MAGI2: variants seen among roughly 807,000 people sequenced by gnomAD.
The protein encoded by MAGI2 is membrane-associated guanylate kinase, WW and PDZ domain-containing protein 2.
MAGI2 carries 35 observed loss-of-function variants against 133.3 expected under a neutral mutation model. That is an observed-to-expected ratio of 0.26 (90% CI 0.20 to 0.35). The LOEUF (loss-of-function observed/expected upper bound fraction) is 0.35. MAGI2 is among the 10% of genes least tolerant of loss of function. The pLI, the probability that MAGI2 is intolerant of heterozygous loss-of-function variation, is 1.00. For synonymous variants in MAGI2, 729 were observed against 710.6 expected (o/e 1.03, Z -0.41); for missense variants, 1,636 against 1,863.4 (o/e 0.88, Z 2.25).
intron 1 of MAGI2, among the ~76,000 whole-genome samples, chr7:79,255,881 G>A (rs1833645789): frequency 6.6e-6 from 1 of 152,162 alleles, no homozygotes; most frequent in South Asian, 2.1e-4. Context: ...CAAAATTAAG[G>A]ATTTGGATGT....
chr7:78,267,850 T>C (rs894563206), intron 9 of MAGI2, among the ~76,000 whole-genome samples: 6 of 152,174 alleles, frequency 3.9e-5, no homozygotes, highest in African/African-American at 1.4e-4. Context: ...CAATGGAAGA[T>C]TATTTTATTC....
At chr7:79,395,134 C>A (rs1486902540) in intron 1 of MAGI2, among the ~76,000 whole-genome samples, 1 of 151,378 alleles carries the variant, frequency 6.6e-6, no homozygotes, top group African/African-American at 2.4e-5. Context: ...AAAAATAAGC[C>A]CAAAGTTTAA....
intron 1 of MAGI2, among the ~76,000 whole-genome samples, chr7:79,315,838 G>A (rs976071448): frequency 6.6e-6 from 1 of 152,082 alleles, no homozygotes; most frequent in Non-Finnish European, 1.5e-5. Context: ...AATTTGACAG[G>A]GAACTGTGAT....
At chr7:79,332,586 G>A (rs1177463437) in intron 1 of MAGI2, among the ~76,000 whole-genome samples, 2 of 152,192 alleles carry the variant, frequency 1.3e-5, no homozygotes, top group East Asian at 3.9e-4. Flanking sequence ...TAATAGGTAG[G>A]GAGTACATAG....
At chr7:79,171,743 AATAT>A (rs34570751) in intron 1 of MAGI2, among the ~76,000 whole-genome samples, 712 of 29,544 alleles carry the variant, frequency 0.024, 9 homozygotes, top group African/African-American at 0.042. Flanking sequence ...AATAGCCAAA[AATAT>A]ATATATATAT....
intron 1 of MAGI2, among the ~76,000 whole-genome samples, chr7:79,015,382 G>T (rs1188500103): frequency 6.6e-6 from 1 of 152,038 alleles, no homozygotes; most frequent in African/African-American, 2.4e-5. Context: ...ACTCTCCAAT[G>T]ATCTGGTACA....
intron 2 of MAGI2, among the ~76,000 whole-genome samples, chr7:78,696,763 G>A (rs1585116310): frequency 6.6e-6 from 1 of 152,128 alleles, no homozygotes; most frequent in East Asian, 1.9e-4. Context: ...CACTTTAACA[G>A]GCAAACCACC....
chr7:79,347,610 G>A (rs769976875), intron 1 of MAGI2, among the ~76,000 whole-genome samples: 26 of 151,852 alleles, frequency 1.7e-4, no homozygotes, highest in Non-Finnish European at 1.5e-4. Context: ...CTTGAGCTCC[G>A]TTCCTGCACT....
At chr7:78,778,027 TTGAGC>T (rs1826119852) in intron 2 of MAGI2, among the ~76,000 whole-genome samples, 1 of 152,238 alleles carries the variant, frequency 6.6e-6, no homozygotes, top group African/African-American at 2.4e-5. Context: ...AATTCCTTTC[TTGAGC>T]TGCTCTTTAT....
At chr7:79,167,157 T>C (rs556237173) in intron 1 of MAGI2, among the ~76,000 whole-genome samples, 115 of 2,004 alleles carry the variant, frequency 0.057, no homozygotes, top group African/African-American at 0.28. Context: ...TCTTTGTTTA[T>C]ATAATTTTGT....
chr7:79,411,549 A>G (rs927774350), intron 1 of MAGI2: 1 of 152,214 alleles, frequency 6.6e-6, no homozygotes, highest in African/African-American at 2.4e-5. Context: ...TGGAGCTTTC[A>G]CAAAGCTACA....
intron 1 of MAGI2, among the ~76,000 whole-genome samples, chr7:79,250,036 C>A (rs533763049): frequency 1.3e-5 from 2 of 152,060 alleles, no homozygotes; most frequent in South Asian, 2.1e-4. Flanking sequence ...AGGACAAAAA[C>A]CATATGATCA....
At chr7:78,206,321 T>C (rs952035633) in intron 10 of MAGI2, among the ~76,000 whole-genome samples, 3 of 149,332 alleles carry the variant, frequency 2.0e-5, no homozygotes, top group Non-Finnish European at 3.0e-5. Flanking sequence ...AGATGGAGTC[T>C]TGCTCTGTTG....
chr7:78,536,746 T>C (rs1584539200), intron 3 of MAGI2, among the ~76,000 whole-genome samples: 1 of 131,612 alleles, frequency 7.6e-6, no homozygotes, highest in Non-Finnish European at 1.6e-5. Context: ...GTTTTTTTTT[T>C]GTTTTTGTTG....
At chr7:78,563,651 T>C (rs41505047) in intron 3 of MAGI2, among the ~76,000 whole-genome samples, 1,650 of 152,348 alleles carry the variant, frequency 0.011, 26 homozygotes, top group Admixed American at 0.031. Flanking sequence ...TCCTAAGAGC[T>C]ATGATAAATT....
chr7:79,444,114 C>T (rs1055254400), intron 1 of MAGI2, among the ~76,000 whole-genome samples: 15 of 152,138 alleles, frequency 9.9e-5, no homozygotes, highest in African/African-American at 2.9e-4. Context: ...AATTCAACAA[C>T]GCTTCATGCT....
intron 2 of MAGI2, among the ~76,000 whole-genome samples, chr7:78,794,678 T>C (rs1787453127): frequency 1.3e-5 from 2 of 152,112 alleles, no homozygotes; most frequent in South Asian, 4.1e-4. Context: ...TTTTATACAC[T>C]TGAAAATTAT....
intron 6 of MAGI2, among the ~76,000 whole-genome samples, chr7:78,379,730 A>G (rs756057461): frequency 1.3e-5 from 2 of 152,000 alleles, no homozygotes; most frequent in Non-Finnish European, 2.9e-5. Context: ...TTCCAATTTC[A>G]TACTACAATA....
intron 1 of MAGI2, among the ~76,000 whole-genome samples, chr7:79,170,807 C>G (rs1429137904): frequency 6.6e-6 from 1 of 151,936 alleles, no homozygotes; most frequent in Non-Finnish European, 1.5e-5. Flanking sequence ...GTGTTATGAA[C>G]AATTTGATTC....
Sources: allele counts gnomAD v4.1 joint callset (sites outside exome capture counted in the v4.1 genomes callset), GRCh38; gene constraint gnomAD v4.1.1; transcripts MANE v1.5; gene names NCBI Gene and HGNC (gene_info 2026-07-23, HGNC 2026-07-21).